SPAG16: variants seen among roughly 807,000 people sequenced by gnomAD.
The protein encoded by SPAG16 is sperm associated antigen 16, also known as sperm-associated antigen 16 protein.
A neutral mutation model predicts 80.4 loss-of-function variants in SPAG16; 86 were observed. That is an observed-to-expected ratio of 1.07 (90% CI 0.90 to 1.28). SPAG16 has a LOEUF of 1.28. SPAG16 is among the 50% of genes most tolerant of loss of function. The probability of loss-of-function intolerance (pLI) is 0.00; values close to 1 mark genes in which losing one functional copy is unlikely to be tolerated. For missense variants in SPAG16, 870 were observed against 765.3 expected, an observed-to-expected ratio of 1.14 and a Z score of -1.61; for synonymous variants, 294 against 265.9, an observed-to-expected ratio of 1.11 and a Z score of -1.03.
chr2:213,789,564 GA>G (rs1354804280), intron 10 of SPAG16, among the ~76,000 whole-genome samples: 1 of 151,836 alleles, frequency 6.6e-6, no homozygotes. Context: ...TCTTTTATTT[GA>G]AAAGCAGCTT....
chr2:213,648,197 C>G (rs2062891888), intron 10 of SPAG16, among the ~76,000 whole-genome samples: 1 of 152,028 alleles, frequency 6.6e-6, no homozygotes, highest in Non-Finnish European at 1.5e-5. Flanking sequence ...CTAGGAATAG[C>G]AAGCAAAGTT....
chr2:213,970,400 C>T (rs2044971434), intron 12 of SPAG16, among the ~76,000 whole-genome samples: 1 of 152,024 alleles, frequency 6.6e-6, no homozygotes, highest in African/African-American at 2.4e-5. Context: ...CTCCCAAACT[C>T]AAGTGATCTG....
intron 15 of SPAG16, among the ~76,000 whole-genome samples, chr2:214,352,494 ACTCAGC>A (rs1698476609): frequency 6.6e-6 from 1 of 151,414 alleles, no homozygotes; most frequent in Non-Finnish European, 1.5e-5. Context: ...CCATTGTGAT[ACTCAGC>A]CTCAGAGCTG....
intron 10 of SPAG16, among the ~76,000 whole-genome samples, chr2:213,645,066 A>G (rs769220824): frequency 5.9e-5 from 9 of 152,184 alleles, no homozygotes; most frequent in Non-Finnish European, 1.3e-4. Context: ...AAATCACTTG[A>G]TGCAGTTCTT....
chr2:214,115,030 C>T (rs1318317480), intron 14 of SPAG16, among the ~76,000 whole-genome samples: 1 of 152,202 alleles, frequency 6.6e-6, no homozygotes, highest in South Asian at 2.1e-4. Flanking sequence ...CCCACAGCCT[C>T]ATTAAAATTT....
intron 15 of SPAG16, among the ~76,000 whole-genome samples, chr2:214,356,485 A>G (rs1275099876): frequency 6.6e-6 from 1 of 151,926 alleles, no homozygotes; most frequent in Non-Finnish European, 1.5e-5. Flanking sequence ...GAACAAAACA[A>G]CTATGTATAC....
At chr2:213,510,029 C>T (rs886744011) in intron 10 of SPAG16, among the ~76,000 whole-genome samples, 1 of 151,894 alleles carries the variant, frequency 6.6e-6, no homozygotes, top group Non-Finnish European at 1.5e-5. Flanking sequence ...TCAGAGAATA[C>T]CATAAACACC....
chr2:213,635,177 G>C (rs1373162036), intron 10 of SPAG16, among the ~76,000 whole-genome samples: 1 of 151,750 alleles, frequency 6.6e-6, no homozygotes, highest in Non-Finnish European at 1.5e-5. Context: ...TGGGAATACA[G>C]GTGCCCGCCA....
chr2:213,825,590 A>C (rs1408828704), intron 10 of SPAG16, among the ~76,000 whole-genome samples: 2 of 151,722 alleles, frequency 1.3e-5, no homozygotes, highest in East Asian at 3.9e-4. Flanking sequence ...GGTCATGATG[A>C]GTCATCTTTG....
intron 3 of SPAG16, among the ~76,000 whole-genome samples, chr2:213,303,260 T>A (rs572252000): frequency 2.8e-4 from 42 of 152,108 alleles, no homozygotes; most frequent in African/African-American, 1.0e-3. Flanking sequence ...GTTTTTTTTT[T>A]AATTTTTAAT....
chr2:213,933,107 C>T (rs2078839193), intron 12 of SPAG16, among the ~76,000 whole-genome samples: 1 of 152,090 alleles, frequency 6.6e-6, no homozygotes, highest in Non-Finnish European at 1.5e-5. Flanking sequence ...GACCCATCCA[C>T]ATTTAAACTA....
chr2:213,396,108 A>G (rs1382377680), intron 9 of SPAG16, among the ~76,000 whole-genome samples: 1 of 152,110 alleles, frequency 6.6e-6, no homozygotes, highest in Non-Finnish European at 1.5e-5. Context: ...ACATATTTGG[A>G]TATATCCTAA....
intron 15 of SPAG16, among the ~76,000 whole-genome samples, chr2:214,312,984 A>AG (rs1352268884): frequency 6.6e-6 from 1 of 152,138 alleles, no homozygotes; most frequent in African/African-American, 2.4e-5. Context: ...TTTCATTAAA[A>AG]GCTAAATAAA....
chr2:213,363,436 AGT>A (rs1305757037), intron 7 of SPAG16, among the ~76,000 whole-genome samples: 1 of 152,030 alleles, frequency 6.6e-6, no homozygotes, highest in African/African-American at 2.4e-5. Context: ...AGTAGAAAAA[AGT>A]GTGTATCTGT....
intron 13 of SPAG16, among the ~76,000 whole-genome samples, chr2:214,104,799 T>G (rs958280906): frequency 3.3e-5 from 5 of 151,896 alleles, no homozygotes; most frequent in African/African-American, 4.8e-5. Context: ...AAGCTCAAGT[T>G]TAATGTTTAC....
chr2:213,709,805 G>A (rs1054206171), intron 10 of SPAG16, among the ~76,000 whole-genome samples: 1 of 152,092 alleles, frequency 6.6e-6, no homozygotes, highest in Admixed American at 6.5e-5. Flanking sequence ...AAGAATATTT[G>A]ATTTCATAAT....
At chr2:213,725,835 G>A (rs542376173) in intron 10 of SPAG16, among the ~76,000 whole-genome samples, 1 of 152,320 alleles carries the variant, frequency 6.6e-6, no homozygotes, top group African/African-American at 2.4e-5. Context: ...CAATTTCTGA[G>A]AAGGTTCAAG....
chr2:213,863,439 T>G (rs556644796), intron 11 of SPAG16, among the ~76,000 whole-genome samples: 3 of 152,280 alleles, frequency 2.0e-5, no homozygotes, highest in South Asian at 2.1e-4. Context: ...TTGCTATGAA[T>G]GTCTATGAAA....
At chr2:214,083,814 T>C (rs1366137693) in intron 13 of SPAG16, among the ~76,000 whole-genome samples, 1 of 152,140 alleles carries the variant, frequency 6.6e-6, no homozygotes, top group Non-Finnish European at 1.5e-5. Context: ...CAATAGGTAG[T>C]TGCTGTATCT....
Sources: allele counts gnomAD v4.1 joint callset (sites outside exome capture counted in the v4.1 genomes callset), GRCh38; gene constraint gnomAD v4.1.1; transcripts MANE v1.5; gene names NCBI Gene and HGNC (gene_info 2026-07-23, HGNC 2026-07-21).